PADI3: variants seen among roughly 807,000 people sequenced by gnomAD.
The protein encoded by PADI3 is protein-arginine deiminase type-3.
Under a neutral mutation model 71.5 loss-of-function variants are expected in PADI3, and 53 were observed. The ratio of observed to expected loss-of-function variants is 0.74; its 90% confidence interval spans 0.59 to 0.93. PADI3 has a LOEUF of 0.93. PADI3 is among the 40% of genes least tolerant of loss of function. PADI3 has a pLI of 0.00. For missense variants in PADI3, 821 were observed against 868.0 expected (o/e 0.95, Z 0.68); for synonymous variants, 361 against 347.5 (o/e 1.04, Z -0.43).
intron 15 of PADI3, 49 bp downstream of exon 15, chr1:17,280,845 T>A: frequency 6.2e-7 from 1 of 1,602,102 alleles, no homozygotes; most frequent in Non-Finnish European, 8.5e-7. Flanking sequence ...TGCAAACCTC[T>A]AAGCTCGAGA....
chr1:17,263,325 C>T (rs2073125657), intron 3 of PADI3, among the ~76,000 whole-genome samples: 1 of 152,018 alleles, frequency 6.6e-6, no homozygotes, highest in African/African-American at 2.4e-5. Flanking sequence ...TTGAGGGATT[C>T]ACAATTCCAA....
At chr1:17,254,579 C>T (rs1322285596) in intron 1 of PADI3, among the ~76,000 whole-genome samples, 1 of 152,110 alleles carries the variant, frequency 6.6e-6, no homozygotes, top group Non-Finnish European at 1.5e-5. Flanking sequence ...GATAATAGCA[C>T]ACAAGTTATG....
chr1:17,253,732 G>A (rs1200007167), intron 1 of PADI3, among the ~76,000 whole-genome samples: 2 of 152,182 alleles, frequency 1.3e-5, no homozygotes, highest in Admixed American at 6.5e-5. Context: ...TGCCCTCACT[G>A]GGAAGACAAA....
chr1:17,262,072 A>G, intron 2 of PADI3, 61 bp from the exon 3 acceptor site: 1 of 1,463,444 alleles, frequency 6.8e-7, no homozygotes, highest in Non-Finnish European at 9.6e-7. Flanking sequence ...CCCGAGAGCT[A>G]TCTTTTGGGG....
Position 17,282,931 on chromosome 1 carries a change from A to T in PADI3, c.1847A>T (p.Lys616Met). Residue 616 changes from lysine (K) to methionine (M), a missense_variant, in exon 16 of 16, where the codon AAG (lysine) becomes ATG (methionine). Transcript: ENST00000375460. Reference sequence around the variant, plus strand: ...AATGGCTGCTGCTGCCTGGAGGAGAAGGTGCGGTCCCTGCTGGAGCCGCTG... The same window carrying T: ...AATGGCTGCTGCTGCCTGGAGGAGATGGTGCGGTCCCTGCTGGAGCCGCTG... Reference protein sequence around the residue: ...IINGCCCLEEKVRSLLEPLGL... With the variant: ...IINGCCCLEEMVRSLLEPLGL... 5 of 1,614,166 alleles carry T rather than the reference A, an allele frequency of 3.1e-6. No individual in the cohort carries two copies. The highest frequency in any genetic ancestry group is 1.1e-5 in the South Asian group (1 of 91,090).
chr1:17,250,623 G>A (rs2072954971), intron 1 of PADI3, among the ~76,000 whole-genome samples: 1 of 152,188 alleles, frequency 6.6e-6, no homozygotes, highest in Admixed American at 6.5e-5. Context: ...GGCAGTAGGA[G>A]GAGGAAGGGG....
intron 4 of PADI3, 123 bp from the exon 5 acceptor site, chr1:17,266,596 G>T (rs2073171138): frequency 2.6e-6 from 2 of 754,752 alleles, no homozygotes; most frequent in African/African-American, 1.7e-5. Flanking sequence ...AGAAGGAGGT[G>T]CTTCGAGAAC....
rs376282503 is a variant in PADI3, at chr1:17,270,320, A to T, written c.740A>T (p.Glu247Val). ...GTACCCCGCTTGCATGGGGATGAGG[A>T]GCGCTTCTTCGTGGAAGGCCTGTCC... ...YEVPRLHGDE[E>V]RFFVEGLSFP... The change falls in exon 7 of 16, where the codon GAG becomes GTG. Residue 247 changes from glutamate (E) to valine (V), a missense_variant. Physicochemically the swap from Glu to Val is moderately radical, Grantham distance 121. Coordinates refer to ENST00000375460, the MANE Select transcript of PADI3 (RefSeq NM_016233.2). 1 of 1,613,760 alleles carries T rather than the reference A, an allele frequency of 6.2e-7. No individual in the cohort carries two copies. Among genetic ancestry groups the T allele is most frequent in the Non-Finnish European group, 8.5e-7 (1 of 1,179,964 alleles).
chr1:17,282,800 G>A (rs757822465), intron 15 of PADI3, 46 bp from the exon 16 acceptor site: 2 of 1,418,642 alleles, frequency 1.4e-6, no homozygotes, highest in African/African-American at 2.8e-5. Context: ...TAGAGGTGTG[G>A]GGTGGGAGCC....
intron 1 of PADI3, among the ~76,000 whole-genome samples, chr1:17,252,530 A>G (rs923312493): frequency 6.6e-6 from 1 of 151,532 alleles, no homozygotes; most frequent in Admixed American, 6.6e-5. Context: ...CAGCCTCCCG[A>G]GTAGCTGGGA....
intron 9 of PADI3, among the ~76,000 whole-genome samples, chr1:17,272,550 G>A (rs2073269819): frequency 6.6e-6 from 1 of 152,092 alleles, no homozygotes; most frequent in Non-Finnish European, 1.5e-5. Context: ...CTGTCACCCT[G>A]GTTGGAGTGC....
intron 1 of PADI3, among the ~76,000 whole-genome samples, chr1:17,258,651 G>A (rs904747394): frequency 7.2e-5 from 11 of 152,374 alleles, no homozygotes; most frequent in African/African-American, 1.9e-4. Context: ...GGCTTGTCAC[G>A]AGGCCTCCTT....
intron 2 of PADI3, among the ~76,000 whole-genome samples, chr1:17,260,469 G>A (rs533250358): frequency 1.3e-5 from 2 of 152,268 alleles, no homozygotes; most frequent in Non-Finnish European, 2.9e-5. Context: ...CTGACCACGT[G>A]CCAGGTACTG....
chr1:17,277,339 C>A (rs1194698868), intron 13 of PADI3, among the ~76,000 whole-genome samples: 1 of 152,182 alleles, frequency 6.6e-6, no homozygotes, highest in African/African-American at 2.4e-5. Context: ...GGATTACAGG[C>A]ATGCGCCACC....
At chr1:17,250,793 G>A (rs567409367) in intron 1 of PADI3, among the ~76,000 whole-genome samples, 2 of 152,346 alleles carry the variant, frequency 1.3e-5, no homozygotes, top group East Asian at 1.9e-4. Flanking sequence ...CCTCGTGCCC[G>A]TTGGGCAGAT....
chr1:17,267,327 C>T (rs1246173452), intron 5 of PADI3, among the ~76,000 whole-genome samples: 1 of 152,196 alleles, frequency 6.6e-6, no homozygotes, highest in African/African-American at 2.4e-5. Context: ...CTGTGACTCC[C>T]CCACCTCTTG....
At chr1:17,254,773 A>AATGGGGCT (rs1366837132) in intron 1 of PADI3, among the ~76,000 whole-genome samples, 1 of 144,580 alleles carries the variant, frequency 6.9e-6, no homozygotes. Context: ...GCTGGAGTGC[A>AATGGGGCT]ATGGGGCTAT....
Position 17,267,841 on chromosome 1 carries a change from G to C in PADI3, c.531G>C (p.Leu177=). The C allele has an allele frequency of 6.2e-7, 1 of 1,613,726 alleles. No homozygotes were observed. ...CDQHVHCLQD[L]EDMSVMVLRT... is the part of the protein sequence containing the mutation. ...CCACTCTGTCTGGCTTCACAGACCT[G>C]GAAGACATGTCTGTCATGGTCCTGC... The change falls in exon 6 of 16, where the codon CTG becomes CTC. Residue 177 remains leucine, a synonymous_variant. Coordinates refer to ENST00000375460, the MANE Select transcript of PADI3 (RefSeq NM_016233.2).
Position 17,271,114 on chromosome 1 carries a change from G to A in PADI3, c.983G>A (p.Arg328Lys), listed in dbSNP as rs781133131. Residue 328 changes from arginine (R) to lysine (K), a missense_variant, in exon 9 of 16, where the codon AGG becomes AAG. Arg to Lys is a conservative substitution (Grantham distance 26). Coordinates refer to ENST00000375460, the MANE Select transcript of PADI3 (RefSeq NM_016233.2). ...CFVDAVAELA[R>K]KAGCKLTICP... ...GTGGATGCGGTGGCAGAGCTGGCCAGGAAGGCCGGCTGCAAGCTGACCATC... is the reference window on the plus strand; with the variant it reads ...GTGGATGCGGTGGCAGAGCTGGCCAAGAAGGCCGGCTGCAAGCTGACCATC... 7 of 1,613,884 alleles carry A rather than the reference G, an allele frequency of 4.3e-6. No homozygotes were observed.
Sources: gnomAD v4.1 joint callset for allele counts (sites outside exome capture counted in the v4.1 genomes callset) on GRCh38, gnomAD v4.1.1 for gene constraint, MANE v1.5 for transcripts, NCBI Gene and HGNC (gene_info 2026-07-23, HGNC 2026-07-21) for gene names.